The following COL8A1 variants were observed in gnomAD, a reference collection of about 807,000 sequenced individuals.
The protein encoded by COL8A1 is collagen type VIII alpha 1 chain, also known as collagen alpha-1(VIII) chain.
COL8A1 carries 21 observed loss-of-function variants against 42.7 expected under a neutral mutation model. That is an observed-to-expected ratio of 0.49 (90% CI 0.35 to 0.71). The LOEUF is 0.71. COL8A1 is among the 30% of genes least tolerant of loss of function. The pLI is 0.01. For missense variants in COL8A1, 788 were observed against 962.4 expected, an observed-to-expected ratio of 0.82 and a Z score of 2.40; for synonymous variants, 367 against 369.1, an observed-to-expected ratio of 0.99 and a Z score of 0.06.
chr3:99,733,410 G>A (rs1940588121), intron 1 of COL8A1, among the ~76,000 whole-genome samples: 1 of 135,166 alleles, frequency 7.4e-6, no homozygotes, highest in Non-Finnish European at 1.6e-5. Context: ...TTGGTTTTTT[G>A]TTCTTGCGAT....
In COL8A1 at chr3:99,797,536, T is replaced by C. The variant is rs1942126919; in HGVS notation, c.*1400T>C. 6.6e-6 allele frequency: 1 copy of C among 152,192 alleles called. No homozygotes were observed. Among genetic ancestry groups the C allele is most frequent in the African/African-American group, 2.4e-5 (1 of 41,434 alleles). 9.4% of individuals were successfully genotyped at this position (152,192 alleles called of 1,614,324 possible). On this transcript the variant is annotated 3_prime_UTR_variant, in exon 4 of 4. Transcript: ENST00000652472. ...ATGCACCTGCCTCAGCCTTCCAAAG[T>C]GCTGGGATTACAGGCATGAGCCACC...
At chr3:99,741,127 G>A (rs1456232746) in intron 1 of COL8A1, among the ~76,000 whole-genome samples, 3 of 152,182 alleles carry the variant, frequency 2.0e-5, no homozygotes, top group East Asian at 3.9e-4. Context: ...CATCTTGGCT[G>A]ATTTGATAAC....
At chr3:99,693,142 A>G (rs1576433492) in intron 1 of COL8A1, among the ~76,000 whole-genome samples, 1 of 152,190 alleles carries the variant, frequency 6.6e-6, no homozygotes, top group East Asian at 1.9e-4. Context: ...GTGAGCCAGG[A>G]TTGTGCCATG....
intron 1 of COL8A1, among the ~76,000 whole-genome samples, chr3:99,725,389 C>T (rs753539576): frequency 2.6e-5 from 4 of 151,874 alleles, no homozygotes; most frequent in African/African-American, 7.3e-5. Flanking sequence ...TGGCACAGAG[C>T]TCATTCTACC....
intron 1 of COL8A1, among the ~76,000 whole-genome samples, chr3:99,722,363 G>T (rs1331963860): frequency 6.6e-6 from 1 of 152,034 alleles, no homozygotes; most frequent in East Asian, 1.9e-4. Context: ...ATAATAAACT[G>T]CAAAGTGATT....
At chr3:99,693,897 T>C (rs1400375844) in intron 1 of COL8A1, among the ~76,000 whole-genome samples, 1 of 152,224 alleles carries the variant, frequency 6.6e-6, no homozygotes, top group East Asian at 1.9e-4. Flanking sequence ...AAGTGCCCTA[T>C]ACAGGTATAC....
At chr3:99,740,790 C>T (rs1053651011) in intron 1 of COL8A1, among the ~76,000 whole-genome samples, 1 of 152,170 alleles carries the variant, frequency 6.6e-6, no homozygotes, top group Non-Finnish European at 1.5e-5. Context: ...GTTCTGCTAT[C>T]ATGTGCCCAG....
chr3:99,742,671 C>T (rs1304046206), intron 1 of COL8A1, among the ~76,000 whole-genome samples: 4 of 152,124 alleles, frequency 2.6e-5, no homozygotes, highest in Non-Finnish European at 5.9e-5. Context: ...TGAAAAACGG[C>T]AATTTAGGCA....
rs574897728 is a variant in COL8A1 at position 99,795,130 on chromosome 3, C to G, written c.1229C>G (p.Pro410Arg). The G allele has an allele frequency of 6.2e-7, 1 of 1,613,688 alleles. No individual in the cohort carries two copies. The highest frequency in any genetic ancestry group is 1.1e-5 in the South Asian group (1 of 91,044). Residue 410 changes from proline (P) to arginine (R), a missense_variant, in exon 4 of 4, where the codon CCT (proline) becomes CGT (arginine). By Grantham distance (103) the Pro-to-Arg change is moderately radical. Transcript: ENST00000652472. ...GGCCCTCCAGGTGCTATTGGTTTTC[C>G]TGGACCCAAAGGAGAAGGTGGGATT... Reference protein sequence around the residue: ...PMGPPGAIGFPGPKGEGGIVG... With the variant: ...PMGPPGAIGFRGPKGEGGIVG...
At chr3:99,730,479 T>A (rs761954301) in intron 1 of COL8A1, among the ~76,000 whole-genome samples, 2 of 152,148 alleles carry the variant, frequency 1.3e-5, no homozygotes, top group Non-Finnish European at 2.9e-5. Flanking sequence ...GCCCAGCCAC[T>A]AAGTTTCCTG....
At chr3:99,658,770 T>C (rs1938109749) in intron 1 of COL8A1, among the ~76,000 whole-genome samples, 1 of 152,180 alleles carries the variant, frequency 6.6e-6, no homozygotes, top group African/African-American at 2.4e-5. Flanking sequence ...AAGACGTCTT[T>C]AGCAACCAAC....
intron 1 of COL8A1, among the ~76,000 whole-genome samples, chr3:99,661,681 G>A (rs746516320): frequency 6.6e-6 from 1 of 152,140 alleles, no homozygotes; most frequent in Non-Finnish European, 1.5e-5. Flanking sequence ...CATGTTCATG[G>A]CAGGATTATT....
intron 1 of COL8A1, among the ~76,000 whole-genome samples, chr3:99,739,886 T>C (rs1007574710): frequency 1.3e-5 from 2 of 152,188 alleles, no homozygotes; most frequent in African/African-American, 4.8e-5. Context: ...AGAAAATTTG[T>C]TTTTTCTTTT....
At chr3:99,642,478 A>T (rs1429427464) in intron 1 of COL8A1, among the ~76,000 whole-genome samples, 1 of 152,204 alleles carries the variant, frequency 6.6e-6, no homozygotes, top group African/African-American at 2.4e-5. Flanking sequence ...ATGAATTCTA[A>T]CTTCTCAATG....
chr3:99,782,762 A>C (rs2107448890), intron 2 of COL8A1, among the ~76,000 whole-genome samples: 1 of 152,324 alleles, frequency 6.6e-6, no homozygotes, highest in South Asian at 2.1e-4. Context: ...TTAGAAGTAG[A>C]AGGGACCTCA....
At chr3:99,729,273 C>G (rs1009419817) in intron 1 of COL8A1, among the ~76,000 whole-genome samples, 1 of 152,012 alleles carries the variant, frequency 6.6e-6, no homozygotes, top group Non-Finnish European at 1.5e-5. Context: ...CTCAAATTTA[C>G]TTACATATTG....
chr3:99,673,965 G>A (rs1220284007), intron 1 of COL8A1, among the ~76,000 whole-genome samples: 1 of 151,958 alleles, frequency 6.6e-6, no homozygotes, highest in East Asian at 1.9e-4. Flanking sequence ...CCCCATACAT[G>A]TTACATATTA....
chr3:99,752,076 C>G (rs1001029444), intron 2 of COL8A1, among the ~76,000 whole-genome samples: 1 of 152,074 alleles, frequency 6.6e-6, no homozygotes, highest in Admixed American at 6.6e-5. Flanking sequence ...TAAGAATATA[C>G]TCCTCATCCC....
intron 1 of COL8A1, among the ~76,000 whole-genome samples, chr3:99,711,252 C>T (rs930304395): frequency 6.6e-6 from 1 of 152,060 alleles, no homozygotes; most frequent in South Asian, 2.1e-4. Context: ...GAAGAAACAA[C>T]AAACAAGAGA....
Sources: allele counts gnomAD v4.1 joint callset (sites outside exome capture counted in the v4.1 genomes callset), GRCh38; gene constraint gnomAD v4.1.1; transcripts MANE v1.5; gene names NCBI Gene and HGNC (gene_info 2026-07-23, HGNC 2026-07-21).